Variants in ANO2 observed in about 807,000 individuals in gnomAD.
ANO2 encodes anoctamin 2.
ANO2 carries 101 observed loss-of-function variants against 124.2 expected under a neutral mutation model. That is an observed-to-expected ratio of 0.81 (90% CI 0.69 to 0.96). ANO2 has a LOEUF of 0.96. Ranked by LOEUF, ANO2 falls within the 40% of genes least tolerant of loss-of-function variation. The probability of loss-of-function intolerance (pLI) is 0.00; values close to 1 mark genes in which losing one functional copy is unlikely to be tolerated. For missense variants in ANO2, 1,293 were observed against 1,274.5 expected, an observed-to-expected ratio of 1.01 and a Z score of -0.22; for synonymous variants, 486 against 482.5, an observed-to-expected ratio of 1.01 and a Z score of -0.09.
rs956825116 is a variant in ANO2 at position 5,925,220 on chromosome 12, T to C, written c.23-2416A>G. ...GCAGCTACATTCAGATTTGCACCTG[T>C]GGCTCAGAGTAGCTCAGATTCAAGG... On this transcript the variant is annotated intron_variant, in intron 1 of 24. Transcript: ENST00000682330. This position sits in a 1 kb window ranked among gnomAD's most constrained non-coding sequence, Gnocchi z 4.6. 1.3e-5 allele frequency among the ~76,000 whole-genome samples: 2 copies of C among 152,208 alleles called. No individual in the cohort carries two copies. The highest frequency in any genetic ancestry group is 6.5e-5 in the Admixed American group (1 of 15,290).
At chr12:5,802,987 G>A (rs1001425730) in intron 9 of ANO2, among the ~76,000 whole-genome samples, 2 of 152,176 alleles carry the variant, frequency 1.3e-5, no homozygotes, top group African/African-American at 2.4e-5. Flanking sequence ...AGAATTTCAC[G>A]AGACTATGAA....
chr12:5,902,224 T>A (rs1377520258), intron 3 of ANO2, among the ~76,000 whole-genome samples: 1 of 152,096 alleles, frequency 6.6e-6, no homozygotes, highest in Non-Finnish European at 1.5e-5. Flanking sequence ...TTCACTTTTT[T>A]AAAAAACTCA....
chr12:5,834,204 C>G (rs1166277545), intron 4 of ANO2, among the ~76,000 whole-genome samples: 1 of 152,216 alleles, frequency 6.6e-6, no homozygotes, highest in Non-Finnish European at 1.5e-5. Context: ...AATGAAATGA[C>G]TGTTGCTTTA....
intron 14 of ANO2, among the ~76,000 whole-genome samples, chr12:5,648,905 C>T (rs910963343): frequency 1.2e-4 from 18 of 152,218 alleles, no homozygotes; most frequent in African/African-American, 4.3e-4. Context: ...ACTCAGAACA[C>T]ACCTGATTTG....
intron 19 of ANO2, among the ~76,000 whole-genome samples, chr12:5,602,745 A>G (rs3886663): frequency 0.63 from 95,103 of 151,982 alleles, 30,030 homozygotes; most frequent in Admixed American, 0.72. Context: ...CTTTAGGAAT[A>G]ATGGAAAGGA....
chr12:5,721,499 GT>G (rs531965246), intron 14 of ANO2, among the ~76,000 whole-genome samples: 37 of 133,470 alleles, frequency 2.8e-4, no homozygotes, highest in South Asian at 9.3e-4. Context: ...TTGGTTTTGG[GT>G]TTTTTTTTTT....
intron 6 of ANO2, among the ~76,000 whole-genome samples, chr12:5,829,390 G>A (rs1954082044): frequency 6.6e-6 from 1 of 152,114 alleles, no homozygotes; most frequent in Non-Finnish European, 1.5e-5. Flanking sequence ...TTTTAACTCT[G>A]CCTAAAACAC....
chr12:5,719,410 G>A (rs986091843), intron 14 of ANO2, among the ~76,000 whole-genome samples: 1 of 152,166 alleles, frequency 6.6e-6, no homozygotes, highest in Non-Finnish European at 1.5e-5. Context: ...ATGAGTCCCT[G>A]AAGAATTCAT....
intron 20 of ANO2, among the ~76,000 whole-genome samples, chr12:5,580,878 C>T (rs1194596809): frequency 1.3e-5 from 2 of 152,102 alleles, no homozygotes; most frequent in Admixed American, 1.3e-4. Context: ...AAGTGCTGGT[C>T]GGTAGCAAGA....
At chr12:5,798,155 C>T (rs1591630302) in intron 10 of ANO2, among the ~76,000 whole-genome samples, 2 of 152,038 alleles carry the variant, frequency 1.3e-5, no homozygotes, top group Admixed American at 1.3e-4. Context: ...TCAAAGCCCA[C>T]CAAGAATGGA....
chr12:5,651,263 A>G (rs893575756), intron 14 of ANO2, among the ~76,000 whole-genome samples: 1 of 152,220 alleles, frequency 6.6e-6, no homozygotes, highest in Non-Finnish European at 1.5e-5. Context: ...GTAGCACAGT[A>G]ATAAAACCAC....
intron 14 of ANO2, among the ~76,000 whole-genome samples, chr12:5,669,346 G>A (rs1274177285): frequency 1.3e-5 from 2 of 151,918 alleles, no homozygotes; most frequent in African/African-American, 4.8e-5. Context: ...CTGCTTGTCT[G>A]TTGTTGGTGT....
In ANO2 at chr12:5,833,264, T is replaced by C. The variant is rs114234990; in HGVS notation, c.634-661A>G. Among the ~76,000 whole-genome samples, 858 of 152,372 alleles carry C rather than the reference T, an allele frequency of 5.6e-3. 7 individuals are homozygous for C. The highest frequency in any genetic ancestry group is 0.02 in the African/African-American group (830 of 41,584). On this transcript the variant is annotated intron_variant, in intron 4 of 24. Transcript: ENST00000682330. ...GTACCAAGGTAATTGTTAATATTTA[T>C]AGTGCATACTGTTTTTTTTATAATG...
At chr12:5,905,777 G>A (rs1272672734) in intron 3 of ANO2, among the ~76,000 whole-genome samples, 1 of 152,012 alleles carries the variant, frequency 6.6e-6, no homozygotes, top group Admixed American at 6.6e-5. Context: ...AAGAAGGAAG[G>A]GTGGAAAGAT....
chr12:5,577,179 T>C (rs1227161219), intron 22 of ANO2, among the ~76,000 whole-genome samples: 2 of 152,262 alleles, frequency 1.3e-5, no homozygotes, highest in Non-Finnish European at 1.5e-5. Context: ...ACATTCAAAA[T>C]GCAGTGGGCT....
chr12:5,774,235 G>T (rs1952164955), intron 10 of ANO2, among the ~76,000 whole-genome samples: 1 of 152,122 alleles, frequency 6.6e-6, no homozygotes, highest in African/African-American at 2.4e-5. Flanking sequence ...TGGGCGGATT[G>T]CTTGAGCCCA....
chr12:5,881,373 A>G (rs4764588), intron 3 of ANO2, among the ~76,000 whole-genome samples: 73,414 of 151,976 alleles, frequency 0.48, 17,929 homozygotes, highest in South Asian at 0.59. Context: ...GGAAAAACTC[A>G]TCATCAGTAT....
rs1373130710 is a variant in ANO2, at chr12:5,843,507, G to A, written c.633+10536C>T. Among the ~76,000 whole-genome samples, 9 of 151,790 alleles carry A rather than the reference G, an allele frequency of 5.9e-5. No homozygotes were observed. In the East Asian group the frequency reaches 9.7e-4, roughly 16 times the overall value. The stretch of plus-strand genomic sequence containing the variant: ...AGAGTTTGCAGTGAGCCGAGATTGC[G>A]CCACTGCACTCCAGCCTGGGTGACA... On this transcript the variant is annotated intron_variant, in intron 4 of 24. Coordinates refer to ENST00000682330, the MANE Select transcript of ANO2 (RefSeq NM_001364791.2).
At chr12:5,682,556 T>C (rs1203776023) in intron 14 of ANO2, among the ~76,000 whole-genome samples, 1 of 152,196 alleles carries the variant, frequency 6.6e-6, no homozygotes, top group African/African-American at 2.4e-5. Context: ...CTGCAGTTCA[T>C]GCTGTTCAGT....
Sources: allele counts gnomAD v4.1 joint callset (sites outside exome capture counted in the v4.1 genomes callset), GRCh38; gene constraint gnomAD v4.1.1; non-coding constraint Gnocchi (gnomAD v3.1); transcripts MANE v1.5; gene names NCBI Gene and HGNC (gene_info 2026-07-23, HGNC 2026-07-21).